The following DTNA variants were observed in gnomAD, a reference collection of about 807,000 sequenced individuals.
DTNA encodes dystrobrevin alpha.
A neutral mutation model predicts 100.7 loss-of-function variants in DTNA; 43 were observed. The observed-to-expected ratio is 0.43, with a 90% confidence interval of 0.33 to 0.55. DTNA has a LOEUF of 0.55. Among genes scored for constraint, DTNA ranks in the 20% least tolerant of loss-of-function variants. DTNA has a pLI of 0.04. For missense variants in DTNA, 798 were observed against 953.9 expected (o/e 0.84, Z 2.15); for synonymous variants, 349 against 347.9 (o/e 1.00, Z -0.04).
chr18:34,853,731 G>T (rs1424691934), intron 15 of DTNA, among the ~76,000 whole-genome samples: 1 of 151,764 alleles, frequency 6.6e-6, no homozygotes, highest in Non-Finnish European at 1.5e-5. Flanking sequence ...TAGGAGGAAA[G>T]AATTAAGAAG....
chr18:34,877,955 A>T, intron 19 of DTNA, 147 bp downstream of exon 19: 1 of 792,590 alleles, frequency 1.3e-6, no homozygotes, highest in South Asian at 1.7e-5. Context: ...TTCAGATTTG[A>T]GGGGTTTTTT....
At chr18:34,868,170 AG>A (rs1322337465) in intron 17 of DTNA, 52 of 385,786 alleles carry the variant, frequency 1.3e-4, no homozygotes, top group African/African-American at 1.1e-3. Flanking sequence ...AAAAAAAAAA[AG>A]GAAAATTATC....
intron 1 of DTNA, among the ~76,000 whole-genome samples, chr18:34,678,856 A>G (rs1379042114): frequency 6.6e-6 from 1 of 152,190 alleles, no homozygotes; most frequent in South Asian, 2.1e-4. Flanking sequence ...AGCCAATCTT[A>G]TGAAATATTT....
rs547735701 is a variant in DTNA at position 34,718,363 on chromosome 18, CT to C, written c.-2+7920del. ...ATTTTGACAAATAGTGTTTTTATTT[CT>C]TCCAAAAATACAAGAATTTTAAAAG... On this transcript the variant is annotated intron_variant, in intron 1 of 22. Transcript: ENST00000444659. Among the ~76,000 whole-genome samples, 422 of 152,216 alleles carry C rather than the reference CT, an allele frequency of 2.8e-3. 1 individual carries two copies. Among genetic ancestry groups the C allele is most frequent in the South Asian group, 4.4e-3 (21 of 4,822 alleles).
intron 1 of DTNA, among the ~76,000 whole-genome samples, chr18:34,682,705 T>G (rs2078298857): frequency 6.6e-6 from 1 of 152,166 alleles, no homozygotes; most frequent in African/African-American, 2.4e-5. Flanking sequence ...TTGGGTTGTT[T>G]TCTTATTGTT....
intron 13 of DTNA, among the ~76,000 whole-genome samples, chr18:34,841,751 A>T (rs1376359745): frequency 1.3e-5 from 2 of 152,012 alleles, no homozygotes; most frequent in African/African-American, 2.4e-5. Flanking sequence ...GTTCCCATCT[A>T]TTTTCCACCC....
intron 17 of DTNA, among the ~76,000 whole-genome samples, chr18:34,869,745 T>C (rs1239602419): frequency 6.6e-6 from 1 of 152,168 alleles, no homozygotes; most frequent in Non-Finnish European, 1.5e-5. Context: ...ACTAAGGCCG[T>C]GCACGGTGGC....
intron 1 of DTNA, among the ~76,000 whole-genome samples, chr18:34,612,453 T>G (rs921623038): frequency 6.6e-6 from 1 of 152,138 alleles, no homozygotes. Flanking sequence ...AGAAGGAGAA[T>G]GAACTCATAG....
At chr18:34,838,862 C>T (rs2096210650) in intron 13 of DTNA, 25 bp downstream of exon 13, 1 of 1,602,402 alleles carries the variant, frequency 6.2e-7, no homozygotes. Context: ...GGCTGCTTGA[C>T]TGTCCTTAGA....
chr18:34,683,657 C>G (rs2078443866), intron 1 of DTNA: 1 of 152,154 alleles, frequency 6.6e-6, no homozygotes, highest in Non-Finnish European at 1.5e-5. Flanking sequence ...AACAGAATTT[C>G]TAAAACTCCT....
chr18:34,525,638 G>A (rs909070481), intron 1 of DTNA, among the ~76,000 whole-genome samples: 1 of 152,096 alleles, frequency 6.6e-6, no homozygotes, highest in Admixed American at 6.6e-5. Flanking sequence ...GTTTTATAGT[G>A]GGAGGTTCCA....
intron 1 of DTNA, among the ~76,000 whole-genome samples, chr18:34,723,321 A>G (rs564573523): frequency 6.6e-6 from 1 of 152,306 alleles, no homozygotes; most frequent in African/African-American, 2.4e-5. Flanking sequence ...AAGGTTAAAC[A>G]CTATAGTGCC....
chr18:34,705,956 T>G (rs561138568), upstream of DTNA, among the ~76,000 whole-genome samples: 1 of 152,008 alleles, frequency 6.6e-6, no homozygotes, highest in Non-Finnish European at 1.5e-5. Context: ...TATTCTGAAT[T>G]TTTTTTTCGA....
intron 3 of DTNA, among the ~76,000 whole-genome samples, chr18:34,779,061 A>G (rs983932608): frequency 3.9e-5 from 6 of 152,124 alleles, no homozygotes; most frequent in Admixed American, 2.6e-4. Context: ...TCATTCTGCA[A>G]ATATGTATGG....
intron 1 of DTNA, among the ~76,000 whole-genome samples, chr18:34,544,251 A>G (rs2044537056): frequency 6.6e-6 from 1 of 152,116 alleles, no homozygotes; most frequent in Non-Finnish European, 1.5e-5. Flanking sequence ...GTCTTAATTT[A>G]AAAATGCCTA....
At chr18:34,602,499 T>C (rs1309581362) in intron 1 of DTNA, among the ~76,000 whole-genome samples, 1 of 152,166 alleles carries the variant, frequency 6.6e-6, no homozygotes, top group Non-Finnish European at 1.5e-5. Flanking sequence ...TATGGAACTT[T>C]ATAATTATAG....
Position 34,888,305 on chromosome 18 carries a change from A to T in DTNA, c.*571A>T. On this transcript the variant is annotated 3_prime_UTR_variant, in exon 23 of 23. Transcript: ENST00000444659. ...AATTGGAAAAAAACAACCACTTGCAATCATTCAATAACCCTGAAGAATTTG... is the reference window on the plus strand; with the variant it reads ...AATTGGAAAAAAACAACCACTTGCATTCATTCAATAACCCTGAAGAATTTG... The T allele has an allele frequency of 1.0e-6, 1 of 985,828 alleles. No homozygotes were observed. Among genetic ancestry groups the T allele is most frequent in the Non-Finnish European group, 1.2e-6 (1 of 829,932 alleles). The allele number at this position is 985,828 out of a possible 1,614,324, so 61.1% of individuals were successfully genotyped here.
intron 2 of DTNA, among the ~76,000 whole-genome samples, chr18:34,757,609 C>T (rs1340881944): frequency 6.6e-6 from 1 of 152,130 alleles, no homozygotes; most frequent in Non-Finnish European, 1.5e-5. Context: ...TGATATAGTG[C>T]CTGGCTCAGA....
At chr18:34,762,483 C>T (rs1277701934) in intron 2 of DTNA, among the ~76,000 whole-genome samples, 3 of 152,144 alleles carry the variant, frequency 2.0e-5, no homozygotes, top group African/African-American at 7.2e-5. Flanking sequence ...AATGAAGACA[C>T]AGAACTAATC....
Sources: allele counts gnomAD v4.1 joint callset (sites outside exome capture counted in the v4.1 genomes callset), GRCh38; gene constraint gnomAD v4.1.1; transcripts MANE v1.5; gene names NCBI Gene and HGNC (gene_info 2026-07-23, HGNC 2026-07-21).